Variants in LRRC63 observed in about 807,000 individuals in gnomAD.
LRRC63 encodes the protein leucine-rich repeat-containing protein 63.
LRRC63 carries 40 observed loss-of-function variants against 49.5 expected under a neutral mutation model. The ratio of observed to expected loss-of-function variants is 0.81; its 90% confidence interval spans 0.63 to 1.05. The LOEUF (loss-of-function observed/expected upper bound fraction) is 1.05, where lower values mean the gene tolerates loss of function less well. LRRC63 is among the 50% of genes least tolerant of loss of function. The pLI is 0.00. For synonymous variants in LRRC63, 191 were observed against 221.1 expected (o/e 0.86, Z 1.21); for missense variants, 636 against 663.1 (o/e 0.96, Z 0.45).
At chr13:46,237,379 T>G (rs2046932041) in intron 5 of LRRC63, among the ~76,000 whole-genome samples, 1 of 152,200 alleles carries the variant, frequency 6.6e-6, no homozygotes, top group Non-Finnish European at 1.5e-5. Context: ...GGACTTGGGT[T>G]GATAATGATG....
At chr13:46,212,885 C>T in intron 1 of LRRC63, 117 bp from the exon 2 acceptor site, 3 of 512,980 alleles carry the variant, frequency 5.8e-6, no homozygotes, top group South Asian at 3.3e-5. Context: ...GGAATTCTGC[C>T]TGGATTCAGT....
intron 6 of LRRC63, among the ~76,000 whole-genome samples, chr13:46,247,388 T>C (rs7331386): frequency 0.03 from 4,551 of 152,214 alleles, 251 homozygotes; most frequent in African/African-American, 0.1. Context: ...AGGAATATAG[T>C]GATCTGAGTT....
intron 5 of LRRC63, among the ~76,000 whole-genome samples, chr13:46,243,575 G>A (rs958873016): frequency 2.6e-5 from 4 of 152,118 alleles, no homozygotes; most frequent in Non-Finnish European, 5.9e-5. Context: ...GATATTCCAC[G>A]TAAATTGAAA....
chr13:46,251,950 C>A (rs1594078848), intron 7 of LRRC63, among the ~76,000 whole-genome samples: 4 of 151,762 alleles, frequency 2.6e-5, no homozygotes, highest in East Asian at 1.9e-4. Context: ...TGATTATAAT[C>A]AAAAAGTTTG....
chr13:46,214,125 C>T (rs946701485), intron 2 of LRRC63, among the ~76,000 whole-genome samples: 14 of 152,138 alleles, frequency 9.2e-5, no homozygotes, highest in Non-Finnish European at 2.9e-5. Context: ...ATACAATTAG[C>T]ATATTTTCTC....
Position 46,213,120 on chromosome 13 carries a change from G to A in LRRC63, c.85+1G>A. 6.6e-7 allele frequency: 1 copy of A among 1,525,662 alleles called. No individual in the cohort carries two copies. The highest frequency in any genetic ancestry group is 8.9e-7 in the Non-Finnish European group (1 of 1,126,988). The allele number at this position is 1,525,662 out of a possible 1,614,324, so 94.5% of individuals were successfully genotyped here. A position where few individuals can be genotyped will look rare whatever the true frequency, so the allele number is the denominator to read the frequency against. On this transcript the variant is annotated splice_donor_variant, in intron 2 of 9. Coordinates refer to ENST00000595396, the Ensembl canonical transcript of LRRC63. LOFTEE classifies it high-confidence loss of function. Reference sequence around the variant, plus strand: ...TTACATGAGAAAAAAACCCATACAGGTATGTGTATTAATCAGATATGTGTA... The same window carrying A: ...TTACATGAGAAAAAAACCCATACAGATATGTGTATTAATCAGATATGTGTA...
At chr13:46,223,483 TG>T (rs1343416188) in intron 2 of LRRC63, among the ~76,000 whole-genome samples, 12 of 150,274 alleles carry the variant, frequency 8.0e-5, no homozygotes, top group African/African-American at 2.0e-4. Flanking sequence ...CAGTTTTTTT[TG>T]TTTTTTTTTT....
intron 8 of LRRC63, among the ~76,000 whole-genome samples, chr13:46,262,267 T>C (rs940177033): frequency 5.3e-5 from 8 of 152,292 alleles, no homozygotes; most frequent in Admixed American, 5.2e-4. Context: ...TGGCTCTTAT[T>C]ATGTTTCATT....
chr13:46,238,470 T>TA (rs1035728439), intron 5 of LRRC63, among the ~76,000 whole-genome samples: 24 of 151,296 alleles, frequency 1.6e-4, no homozygotes, highest in African/African-American at 3.4e-4. Context: ...GGTAATTTAT[T>TA]AAAAAAAAAG....
At chr13:46,220,508 G>A (rs766635299) in intron 2 of LRRC63, among the ~76,000 whole-genome samples, 3 of 152,198 alleles carry the variant, frequency 2.0e-5, no homozygotes, top group Non-Finnish European at 2.9e-5. Context: ...GGCAGTGAGA[G>A]TTGCAAGCCA....
At chr13:46,247,738 A>G (rs2047254377) in intron 6 of LRRC63, among the ~76,000 whole-genome samples, 1 of 152,142 alleles carries the variant, frequency 6.6e-6, no homozygotes, top group African/African-American at 2.4e-5. Context: ...TCAAATTATT[A>G]CCGATTTCAT....
At chr13:46,251,375 C>T (rs895374251) in intron 7 of LRRC63, among the ~76,000 whole-genome samples, 1 of 151,726 alleles carries the variant, frequency 6.6e-6, no homozygotes, top group African/African-American at 2.4e-5. Context: ...TTACACACTA[C>T]ATATATAAAA....
At chr13:46,225,810 T>C (rs1418307068) in intron 2 of LRRC63, among the ~76,000 whole-genome samples, 1 of 152,192 alleles carries the variant, frequency 6.6e-6, no homozygotes, top group Admixed American at 6.5e-5. Flanking sequence ...CATTTTCAGA[T>C]ATTGAATTAC....
chr13:46,244,691 G>T lies in LRRC63; in HGVS notation c.991-1836G>T, dbSNP rs555101251. On this transcript the variant is annotated intron_variant, in intron 5 of 9. Transcript: ENST00000595396. ...CAGGAGGCTGAGGAAGATCATAAGA[G>T]CCCAGGAATTTGAGGTTTTAGTGAG... Among the ~76,000 whole-genome samples, 6 of 152,154 alleles carry T rather than the reference G, an allele frequency of 3.9e-5. No homozygotes were observed. The East Asian group carries it at 9.7e-4, about 24-fold the overall frequency.
chr13:46,242,075 C>T (rs12372815), intron 5 of LRRC63, among the ~76,000 whole-genome samples: 8 of 152,108 alleles, frequency 5.3e-5, no homozygotes, highest in South Asian at 4.2e-4. Context: ...AAATGCACAT[C>T]GATGATAGAC....
intron 7 of LRRC63, among the ~76,000 whole-genome samples, chr13:46,259,126 G>A (rs1313164418): frequency 1.3e-5 from 2 of 152,006 alleles, no homozygotes; most frequent in African/African-American, 2.4e-5. Context: ...AAGAACAGGG[G>A]CCTCCTATTA....
chr13:46,244,427 G>A (rs7997207), intron 5 of LRRC63, among the ~76,000 whole-genome samples: 79,563 of 151,938 alleles, frequency 0.52, 24,580 homozygotes, highest in African/African-American at 0.85. Flanking sequence ...TTTTTAAAAA[G>A]TGGTGTTTGA....
intron 2 of LRRC63, among the ~76,000 whole-genome samples, chr13:46,214,295 A>T (rs995652193): frequency 6.6e-6 from 1 of 152,192 alleles, no homozygotes; most frequent in Non-Finnish European, 1.5e-5. Context: ...AACTCAACTT[A>T]CCTGTAATAC....
chr13:46,253,145 T>C (rs977173895), intron 7 of LRRC63, among the ~76,000 whole-genome samples: 2 of 151,484 alleles, frequency 1.3e-5, no homozygotes, highest in African/African-American at 4.9e-5. Context: ...CAAATTGTTA[T>C]GAAATTGAAG....
Sources: gnomAD v4.1 joint callset for allele counts (sites outside exome capture counted in the v4.1 genomes callset) on GRCh38, gnomAD v4.1.1 for gene constraint, MANE v1.5 for transcripts, NCBI Gene and HGNC (gene_info 2026-07-23, HGNC 2026-07-21) for gene names.